The following HHIPL2 variants were observed in gnomAD, a reference collection of about 807,000 sequenced individuals.
The protein encoded by HHIPL2 is HHIP like 2.
In HHIPL2, 61 loss-of-function variants were observed where a neutral mutation model predicts 61.0. The ratio of observed to expected loss-of-function variants is 1.00; its 90% CI spans 0.81 to 1.24. HHIPL2 has a LOEUF of 1.24. Among genes scored for constraint, HHIPL2 ranks in the 50% most tolerant of loss-of-function variants. The probability of loss-of-function intolerance (pLI) is 0.00; values close to 1 mark genes in which losing one functional copy is unlikely to be tolerated. For synonymous variants in HHIPL2, 343 were observed against 357.4 expected, an observed-to-expected ratio of 0.96 and a Z score of 0.45; for missense variants, 885 against 910.2, an observed-to-expected ratio of 0.97 and a Z score of 0.36.
intron 1 of HHIPL2, 92 bp from the exon 2 acceptor site, chr1:222,544,281 C>T: frequency 7.2e-7 from 1 of 1,383,156 alleles, no homozygotes; most frequent in Non-Finnish European, 9.8e-7. Flanking sequence ...AAAAATGGTG[C>T]TAGGCGGAAA....
chr1:222,545,463 T>G (rs1659535267), intron 1 of HHIPL2, among the ~76,000 whole-genome samples: 3 of 152,174 alleles, frequency 2.0e-5, no homozygotes, highest in Admixed American at 6.5e-5. Flanking sequence ...TGTTTCCATT[T>G]AAGACACTTA....
chr1:222,538,659 G>C lies in HHIPL2; in HGVS notation c.1566C>G (p.Asp522Glu). 1 of 1,613,680 alleles carries C rather than the reference G, an allele frequency of 6.2e-7. No homozygotes were observed. Among genetic ancestry groups the C allele is most frequent in the Non-Finnish European group, 8.5e-7 (1 of 1,179,634 alleles). The change falls in exon 5 of 9, where the codon GAC (aspartate) becomes GAG (glutamate). Residue 522 changes from aspartate (D) to glutamate (E), a missense_variant. Coordinates refer to ENST00000343410, the MANE Select transcript of HHIPL2 (RefSeq NM_024746.4). ...PNLNGLYIFG[D>E]FMSGRLMALQ... ...CAGTCCTTCCTTACCCACTCATGAA[G>C]TCTCCAAAGATATACAGGCCATTGA...
intron 5 of HHIPL2, among the ~76,000 whole-genome samples, chr1:222,537,303 C>T (rs934174137): frequency 6.6e-6 from 1 of 151,414 alleles, no homozygotes; most frequent in Non-Finnish European, 1.5e-5. Flanking sequence ...AAATCACCTA[C>T]AGCTGACATC....
chr1:222,528,242 G>A (rs1224276927), intron 6 of HHIPL2, among the ~76,000 whole-genome samples: 2 of 152,142 alleles, frequency 1.3e-5, no homozygotes, highest in Non-Finnish European at 2.9e-5. Flanking sequence ...CACAGCCCTC[G>A]AGATATTTAT....
At chr1:222,529,990 T>A (rs1659154610) in intron 6 of HHIPL2, among the ~76,000 whole-genome samples, 1 of 152,060 alleles carries the variant, frequency 6.6e-6, no homozygotes, top group Non-Finnish European at 1.5e-5. Flanking sequence ...TATGAATCAG[T>A]TTATGCAAAA....
chr1:222,546,074 A>ATAAATAAATAAAT (rs71175168), intron 1 of HHIPL2, among the ~76,000 whole-genome samples: 2 of 151,840 alleles, frequency 1.3e-5, no homozygotes, highest in Non-Finnish European at 2.9e-5. Context: ...AAATAAATAA[A>ATAAATAAATAAAT]AGTCCTATGT....
intron 6 of HHIPL2, among the ~76,000 whole-genome samples, chr1:222,528,360 A>G (rs1323969169): frequency 1.3e-5 from 2 of 152,324 alleles, no homozygotes; most frequent in South Asian, 2.1e-4. Flanking sequence ...TAATCCCAAC[A>G]CTTTGGGAGG....
At position 222,522,806 on chromosome 1, in the gene HHIPL2, G is replaced by C. The variant is rs1461049211; in HGVS notation, c.1970C>G (p.Ala657Gly). 6.2e-7 allele frequency: 1 copy of C among 1,614,176 alleles called. No individual in the cohort carries two copies. The highest frequency in any genetic ancestry group is 1.7e-5 in the Admixed American group (1 of 60,022). The change falls in exon 9 of 9, where the codon GCC becomes GGC. Residue 657 changes from alanine to glycine, a missense_variant. Ala to Gly is a moderately conservative substitution (Grantham distance 60, BLOSUM62 0). Transcript: ENST00000343410. Reference protein sequence around the residue: ...SSSATLASGPAQGLSEKGSSK... With the variant: ...SSSATLASGPGQGLSEKGSSK... Reference sequence around the variant, plus strand: ...GGAGCCTTTCTCAGACAAACCCTGGGCTGGGCCAGAAGCTAAGGTTGCACT... The same window carrying C: ...GGAGCCTTTCTCAGACAAACCCTGGCCTGGGCCAGAAGCTAAGGTTGCACT...
At chr1:222,540,580 A>G (rs988973710) in intron 3 of HHIPL2, among the ~76,000 whole-genome samples, 2 of 152,246 alleles carry the variant, frequency 1.3e-5, no homozygotes, top group Non-Finnish European at 2.9e-5. Context: ...TAAGAGAACT[A>G]CGAGGCAAAA....
chr1:222,535,059 G>GA (rs1251401391), intron 5 of HHIPL2, among the ~76,000 whole-genome samples: 10 of 151,790 alleles, frequency 6.6e-5, no homozygotes, highest in African/African-American at 2.2e-4. Context: ...ATGATAAAGA[G>GA]AAAATCTTAA....
intron 6 of HHIPL2, among the ~76,000 whole-genome samples, chr1:222,529,932 G>A (rs761699063): frequency 1.1e-4 from 17 of 152,078 alleles, no homozygotes; most frequent in Admixed American, 2.0e-4. Context: ...ATAAGGCTCA[G>A]ATCTAAAAAT....
intron 5 of HHIPL2, among the ~76,000 whole-genome samples, chr1:222,533,901 A>G (rs757398788): frequency 3.3e-5 from 5 of 152,240 alleles, no homozygotes; most frequent in Non-Finnish European, 7.3e-5. Flanking sequence ...TGCACAGAGA[A>G]AGAATGCCAG....
At chr1:222,534,084 T>C (rs1659248121) in intron 5 of HHIPL2, among the ~76,000 whole-genome samples, 1 of 152,218 alleles carries the variant, frequency 6.6e-6, no homozygotes, top group Admixed American at 6.5e-5. Flanking sequence ...TAGTGAGGAA[T>C]AGAAAGCACT....
rs554189646 is a variant in HHIPL2, at chr1:222,531,697, G to A, written c.1723+269C>T. ...CTGGAAGCGGAGGTTGCAGTAAGCC[G>A]AGATGGCGCCGCAGACAGAGAGCAA... On this transcript the variant is annotated intron_variant, in intron 6 of 8. Transcript: ENST00000343410. Among the ~76,000 whole-genome samples the A allele has an allele frequency of 4.6e-5, 7 of 152,184 alleles. No homozygotes were observed. The East Asian group carries it at 7.7e-4, about 17-fold the overall frequency.
At chr1:222,540,762 A>C (rs1180340905) in intron 3 of HHIPL2, among the ~76,000 whole-genome samples, 1 of 152,254 alleles carries the variant, frequency 6.6e-6, no homozygotes, top group African/African-American at 2.4e-5. Context: ...AGAACAGAAT[A>C]GAAGCTTCTG....
At position 222,543,831 on chromosome 1, in the gene HHIPL2, T is replaced by A; in HGVS notation, c.680A>T (p.Asp227Val). ...RNPVSMVHAG[D>V]GTHRFFVAEQ... ...GGCAACAAAGAAGCGATGGGTGCCG[T>A]CCCCAGCATGGACCATGGAGACGGG... Residue 227 changes from aspartate to valine, a missense_variant, in exon 2 of 9, where the codon GAC becomes GTC. Asp to Val is a radical substitution (Grantham distance 152). Coordinates refer to ENST00000343410, the MANE Select transcript of HHIPL2 (RefSeq NM_024746.4). 1.2e-6 allele frequency: 2 copies of A among 1,613,902 alleles called. No homozygotes were observed. The highest frequency in any genetic ancestry group is 1.7e-6 in the Non-Finnish European group (2 of 1,179,978).
At chr1:222,527,553 C>A (rs1659095603) in intron 6 of HHIPL2, among the ~76,000 whole-genome samples, 1 of 152,110 alleles carries the variant, frequency 6.6e-6, no homozygotes, top group Non-Finnish European at 1.5e-5. Flanking sequence ...TGACCCTCCC[C>A]ACTCTCCATT....
chr1:222,545,913 C>T (rs1659543789), intron 1 of HHIPL2, among the ~76,000 whole-genome samples: 1 of 151,954 alleles, frequency 6.6e-6, no homozygotes, highest in African/African-American at 2.4e-5. Context: ...GGCATGGTGT[C>T]ATGTGCCTGT....
At chr1:222,545,937 C>T (rs970445915) in intron 1 of HHIPL2, among the ~76,000 whole-genome samples, 1 of 151,894 alleles carries the variant, frequency 6.6e-6, no homozygotes, top group African/African-American at 2.4e-5. Context: ...CCCAGGTACT[C>T]AGGAGGCTGA....
Sources: gnomAD v4.1 joint callset for allele counts (sites outside exome capture counted in the v4.1 genomes callset) on GRCh38, gnomAD v4.1.1 for gene constraint, MANE v1.5 for transcripts, NCBI Gene and HGNC (gene_info 2026-07-23, HGNC 2026-07-21) for gene names.